Variants in EFNB2 observed in about 807,000 individuals in gnomAD.
EFNB2 encodes ephrin-B2.
A neutral mutation model predicts 32.1 loss-of-function variants in EFNB2; 5 were observed. The observed-to-expected ratio is 0.16, with a 90% CI of 0.08 to 0.33. EFNB2 has a LOEUF of 0.33. EFNB2 is among the 10% of genes least tolerant of loss of function. EFNB2 has a pLI of 1.00. For synonymous variants in EFNB2, 168 were observed against 166.5 expected, an observed-to-expected ratio of 1.01 and a Z score of -0.07; for missense variants, 263 against 422.6, an observed-to-expected ratio of 0.62 and a Z score of 3.31.
At chr13:106,500,551 A>G (rs1438713405) in intron 2 of EFNB2, among the ~76,000 whole-genome samples, 1 of 152,236 alleles carries the variant, frequency 6.6e-6, no homozygotes, top group Non-Finnish European at 1.5e-5. Flanking sequence ...AAGAAGTCCA[A>G]CAGAGAGACA....
At chr13:106,534,758 G>T in intron 1 of EFNB2, 85 bp downstream of exon 1, 1 of 1,456,986 alleles carries the variant, frequency 6.9e-7, no homozygotes, top group Non-Finnish European at 9.2e-7. Flanking sequence ...AGGCTCCGAG[G>T]CCCCGCGGAC....
chr13:106,534,768 C>G (rs1880006535), intron 1 of EFNB2, 75 bp downstream of exon 1: 2 of 1,506,246 alleles, frequency 1.3e-6, no homozygotes. Flanking sequence ...GCCCCGCGGA[C>G]TGACCCCTCC....
intron 2 of EFNB2, among the ~76,000 whole-genome samples, chr13:106,505,646 T>C (rs1878925759): frequency 6.6e-6 from 1 of 152,214 alleles, no homozygotes; most frequent in African/African-American, 2.4e-5. Flanking sequence ...ATGTGTTTTA[T>C]TTTGCTTTAA....
At chr13:106,530,833 C>T (rs1403029210) in intron 1 of EFNB2, among the ~76,000 whole-genome samples, 1 of 152,152 alleles carries the variant, frequency 6.6e-6, no homozygotes, top group African/African-American at 2.4e-5. Context: ...TTTAGTTGCT[C>T]CAGTTGCAAT....
At chr13:106,507,633 AT>A (rs1878998937) in intron 2 of EFNB2, among the ~76,000 whole-genome samples, 1 of 151,938 alleles carries the variant, frequency 6.6e-6, no homozygotes, top group South Asian at 2.1e-4. Context: ...TAAAAAAAAA[AT>A]AAAAAATAAA....
intron 2 of EFNB2, chr13:106,510,224 T>C (rs1380361829): frequency 6.6e-6 from 1 of 152,224 alleles, no homozygotes; most frequent in Non-Finnish European, 1.5e-5. Flanking sequence ...ATAGATGTCG[T>C]TATTGTGTAG....
chr13:106,527,167 C>T (rs1008693583), intron 1 of EFNB2, among the ~76,000 whole-genome samples: 9 of 151,540 alleles, frequency 5.9e-5, no homozygotes, highest in African/African-American at 2.2e-4. Flanking sequence ...GCAATGGGGA[C>T]GTGGGTAGCA....
At position 106,492,845 on chromosome 13, in the gene EFNB2, G is replaced by C; in HGVS notation, c.*195C>G. ...CAGTCTTCCAGCTTCCAGGGAGCGT[G>C]TGTGTTCACCAAGGCCGAATGCTAC... On this transcript the variant is annotated 3_prime_UTR_variant, in exon 5 of 5. Coordinates refer to ENST00000646441, the MANE Select transcript of EFNB2 (RefSeq NM_004093.4). The surrounding 1 kb of genome is among the most constrained non-coding windows in gnomAD (Gnocchi z 5.1). The C allele has an allele frequency of 1.5e-6, 1 of 669,794 alleles. No homozygotes were observed. 41.5% of individuals were successfully genotyped at this position (669,794 alleles called of 1,614,324 possible).
chr13:106,495,177 A>G (rs917633314), intron 3 of EFNB2, among the ~76,000 whole-genome samples, 183 bp from the exon 4 acceptor site: 1 of 152,264 alleles, frequency 6.6e-6, no homozygotes, highest in Non-Finnish European at 1.5e-5. Flanking sequence ...GTTATTTCAG[A>G]GGTTTAGAAC....
intron 2 of EFNB2, among the ~76,000 whole-genome samples, chr13:106,498,928 T>G (rs1878680697): frequency 6.6e-6 from 1 of 152,174 alleles, no homozygotes; most frequent in South Asian, 2.1e-4. Flanking sequence ...AAAAATTCAC[T>G]ACTAATATCA....
At chr13:106,498,105 AAAGT>A (rs1426558509) in intron 2 of EFNB2, among the ~76,000 whole-genome samples, 1 of 152,158 alleles carries the variant, frequency 6.6e-6, no homozygotes, top group African/African-American at 2.4e-5. Flanking sequence ...TTACTTACTC[AAAGT>A]AAGTAACTGA....
intron 2 of EFNB2, among the ~76,000 whole-genome samples, chr13:106,499,033 G>A (rs920074270): frequency 1.3e-5 from 2 of 152,084 alleles, no homozygotes; most frequent in Non-Finnish European, 2.9e-5. Flanking sequence ...AGTTAGAAAT[G>A]ATCTAAGGTG....
At chr13:106,510,955 C>T (rs531983453) in intron 2 of EFNB2, among the ~76,000 whole-genome samples, 23 of 152,128 alleles carry the variant, frequency 1.5e-4, no homozygotes, top group African/African-American at 5.1e-4. Flanking sequence ...GCCGAGATCA[C>T]GCCACTGCAC....
chr13:106,530,095 C>T (rs1229069115), intron 1 of EFNB2, among the ~76,000 whole-genome samples: 3 of 152,204 alleles, frequency 2.0e-5, no homozygotes, highest in Admixed American at 1.3e-4. Context: ...CAACGGTTTA[C>T]ATCTTCCATC....
At chr13:106,521,142 C>G (rs1424803033) in intron 1 of EFNB2, 1 of 129,304 alleles carries the variant, frequency 7.7e-6, no homozygotes, top group Non-Finnish European at 1.5e-5. Context: ...CTGATTTATT[C>G]AAGGAAAAGA....
At chr13:106,529,745 A>T (rs1879813901) in intron 1 of EFNB2, among the ~76,000 whole-genome samples, 1 of 152,190 alleles carries the variant, frequency 6.6e-6, no homozygotes, top group Non-Finnish European at 1.5e-5. Context: ...TTTTATCTGA[A>T]AGACAGAAAA....
At chr13:106,494,826 C>T (rs1241461304) in intron 4 of EFNB2, 55 bp downstream of exon 4, 4 of 1,356,190 alleles carry the variant, frequency 2.9e-6, no homozygotes, top group Non-Finnish European at 1.1e-6. Context: ...TTTTAAGATA[C>T]TACTAAGAAT....
At chr13:106,532,059 A>G in intron 1 of EFNB2, among the ~76,000 whole-genome samples, 1 of 102,962 alleles carries the variant, frequency 9.7e-6, no homozygotes, top group East Asian at 5.9e-4. Context: ...GCTGAATTAA[A>G]AAAAAAACAA....
intron 2 of EFNB2, among the ~76,000 whole-genome samples, chr13:106,500,595 T>G (rs1878743417): frequency 6.6e-6 from 1 of 151,834 alleles, no homozygotes; most frequent in Non-Finnish European, 1.5e-5. Context: ...AACCACAGAG[T>G]CGTCAGAATA....
Sources: allele counts gnomAD v4.1 joint callset (sites outside exome capture counted in the v4.1 genomes callset), GRCh38; gene constraint gnomAD v4.1.1; non-coding constraint Gnocchi (gnomAD v3.1); transcripts MANE v1.5; gene names NCBI Gene and HGNC (gene_info 2026-07-23, HGNC 2026-07-21).